SYNE2: variants seen among roughly 807,000 people sequenced by gnomAD.
SYNE2 encodes the protein spectrin repeat containing nuclear envelope protein 2.
SYNE2 carries 431 observed loss-of-function variants against 856.3 expected under a neutral mutation model. That is an observed-to-expected ratio of 0.50 (90% CI 0.47 to 0.55). The LOEUF (loss-of-function observed/expected upper bound fraction) is 0.55. Ranked by LOEUF, SYNE2 falls within the 20% of genes least tolerant of loss-of-function variation. SYNE2 has a pLI of 0.00. For synonymous variants in SYNE2, 2,923 were observed against 2,872.3 expected (o/e 1.02, Z -0.56); for missense variants, 8,129 against 8,023.2 (o/e 1.01, Z -0.50).
rs772713843 is a variant in SYNE2 at position 63,949,848 on chromosome 14, T to G, written c.432T>G (p.Leu144=). The G allele has an allele frequency of 2.5e-6, 4 of 1,614,048 alleles. No homozygotes were observed. Among genetic ancestry groups the G allele is most frequent in the Non-Finnish European group, 3.4e-6 (4 of 1,180,014 alleles). ...AGATTGAGAAGCTTGCCCAGACTCT[T>G]TCTTGCAATTACAATCAGCCTTCCC... ...HFHIEKLAQT[L]SCNYNQPSLD... is the part of the protein sequence containing the mutation. The change falls in exon 7 of 116, where the codon CTT becomes CTG. Residue 144 remains leucine (L), a synonymous_variant. Transcript: ENST00000555002.
At chr14:64,089,811 TA>T in intron 59 of SYNE2, 115 bp downstream of exon 59, 1 of 879,706 alleles carries the variant, frequency 1.1e-6, no homozygotes. Context: ...AATAGCAAAA[TA>T]AGGTTGGGAA....
At chr14:63,976,788 G>GGAA in intron 12 of SYNE2, 61 bp downstream of exon 12, 2 of 1,548,130 alleles carry the variant, frequency 1.3e-6, no homozygotes, top group South Asian at 2.2e-5. Context: ...TTGTTCTTGA[G>GGAA]GAAGACTTTG....
chr14:64,122,628 CAG>C, intron 70 of SYNE2: 2 of 665,996 alleles, frequency 3.0e-6, no homozygotes, highest in Middle Eastern at 4.1e-4. Flanking sequence ...CTTCCCTCAT[CAG>C]AGCTGTTATT....
At chr14:63,827,625 C>CAAAAAAAAAAAAAACAAAAAAAAAA (rs1889486747) in intron 1 of SYNE2, among the ~76,000 whole-genome samples, 1 of 28,400 alleles carries the variant, frequency 3.5e-5, no homozygotes, top group Non-Finnish European at 6.3e-5. Context: ...AACTCTGTCT[C>CAAAAAAAAAAAAAACAAAAAAAAAA]AAAAAAAAAA....
At chr14:63,763,219 C>T (rs1409038247) in intron 1 of SYNE2, among the ~76,000 whole-genome samples, 3 of 151,998 alleles carry the variant, frequency 2.0e-5, no homozygotes, top group Non-Finnish European at 2.9e-5. Flanking sequence ...CCGCCTGCCT[C>T]GGCCTCCCAA....
chr14:63,998,336 CT>C lies in SYNE2; in HGVS notation c.3353+13del. On this transcript the variant is annotated intron_variant, in intron 26 of 115. Coordinates refer to ENST00000555002, the MANE Select transcript of SYNE2 (RefSeq NM_182914.3). Reference sequence around the variant, plus strand: ...AAATAGTTTACTAGAGAGGTAAACTCTTTTTAAAAACAACTGGAAAATCCAC... The same window carrying C: ...AAATAGTTTACTAGAGAGGTAAACTCTTTTAAAAACAACTGGAAAATCCAC... The C allele has an allele frequency of 6.4e-7, 1 of 1,558,216 alleles. No individual in the cohort carries two copies. The highest frequency in any genetic ancestry group is 8.9e-7 in the Non-Finnish European group (1 of 1,129,300).
chr14:64,099,198 T>C (rs1595507221), intron 63 of SYNE2: 1 of 282,748 alleles, frequency 3.5e-6, no homozygotes, highest in East Asian at 9.1e-5. Context: ...AAAACAGTAT[T>C]TCCAATGACA....
chr14:63,884,744 A>C (rs2094942732), intron 1 of SYNE2, among the ~76,000 whole-genome samples: 1 of 152,064 alleles, frequency 6.6e-6, no homozygotes, highest in Non-Finnish European at 1.5e-5. Context: ...GACAGTGATG[A>C]AGTAGGAAGG....
chr14:63,975,920 G>C (rs1261677089), intron 11 of SYNE2, among the ~76,000 whole-genome samples: 2 of 152,188 alleles, frequency 1.3e-5, no homozygotes, highest in Admixed American at 1.3e-4. Context: ...CTTGCCGGGG[G>C]GACATCCAGG....
chr14:63,867,592 G>A (rs958132744), intron 1 of SYNE2, among the ~76,000 whole-genome samples: 1 of 152,240 alleles, frequency 6.6e-6, no homozygotes, highest in East Asian at 1.9e-4. Context: ...CAGCTACTGA[G>A]GAGGCTGAGG....
chr14:63,853,675 A>C (rs948317915), intron 1 of SYNE2, among the ~76,000 whole-genome samples: 1 of 150,402 alleles, frequency 6.6e-6, no homozygotes, highest in Non-Finnish European at 1.5e-5. Context: ...CGCCCCGGGG[A>C]CCCGGGAACC....
At chr14:64,147,195 T>G (rs187869708) in intron 84 of SYNE2, among the ~76,000 whole-genome samples, 22 of 152,248 alleles carry the variant, frequency 1.4e-4, no homozygotes, top group African/African-American at 4.1e-4. Context: ...TGCTCTTGAC[T>G]TACTCCTTAC....
In SYNE2 at chr14:64,024,960, A is replaced by G; in HGVS notation, c.5889A>G (p.Glu1963=). Residue 1963 remains glutamate (E), a synonymous_variant, in exon 40 of 116, where the codon GAA becomes GAG. Transcript: ENST00000555002. ...TGAGGAAGTGGTTGACTAATCAAGA[A>G]GAGAAATGGAAAGGAATGGAAGAAC... ...RNLRKWLTNQ[E]EKWKGMEEPG... 6.2e-7 allele frequency: 1 copy of G among 1,614,064 alleles called. No homozygotes were observed. The highest frequency in any genetic ancestry group is 8.5e-7 in the Non-Finnish European group (1 of 1,179,936).
At chr14:63,815,252 A>T in intron 1 of SYNE2, among the ~76,000 whole-genome samples, 1 of 140,616 alleles carries the variant, frequency 7.1e-6, no homozygotes, top group Non-Finnish European at 1.5e-5. Context: ...ATATATATAT[A>T]TATATAAGGG....
intron 1 of SYNE2, among the ~76,000 whole-genome samples, chr14:63,866,622 C>T (rs1209393555): frequency 2.0e-5 from 3 of 152,108 alleles, no homozygotes; most frequent in Non-Finnish European, 4.4e-5. Flanking sequence ...CAGGTAAATT[C>T]TCTAACATAC....
intron 78 of SYNE2, among the ~76,000 whole-genome samples, chr14:64,136,604 A>G (rs2098092268): frequency 6.6e-6 from 1 of 152,200 alleles, no homozygotes; most frequent in African/African-American, 2.4e-5. Context: ...CAGCTGTGTT[A>G]GATAATTACC....
chr14:64,170,612 C>T, intron 94 of SYNE2, 150 bp downstream of exon 94: 1 of 786,238 alleles, frequency 1.3e-6, no homozygotes, highest in Non-Finnish European at 2.2e-6. Flanking sequence ...CACCACCCCC[C>T]ACAGCCCAGT....
intron 1 of SYNE2, among the ~76,000 whole-genome samples, chr14:63,876,582 G>A (rs918737815): frequency 9.2e-5 from 14 of 151,648 alleles, no homozygotes; most frequent in African/African-American, 3.4e-4. Context: ...CCGCCTCCCA[G>A]GTTCATGCCA....
intron 97 of SYNE2, among the ~76,000 whole-genome samples, chr14:64,187,192 GT>G (rs1166192843): frequency 2.0e-5 from 3 of 152,116 alleles, no homozygotes; most frequent in African/African-American, 7.2e-5. Context: ...GAATTAAGGG[GT>G]TCAAATAGTC....
Sources: allele counts gnomAD v4.1 joint callset (sites outside exome capture counted in the v4.1 genomes callset), GRCh38; gene constraint gnomAD v4.1.1; transcripts MANE v1.5; gene names NCBI Gene and HGNC (gene_info 2026-07-23, HGNC 2026-07-21).